The following TMEM156 variants were observed in gnomAD, a reference collection of about 807,000 sequenced individuals.
TMEM156 encodes the protein transmembrane protein 156.
In TMEM156, 28 loss-of-function variants were observed where a neutral mutation model predicts 30.5. The observed-to-expected ratio is 0.92, with a 90% CI of 0.68 to 1.26. The LOEUF (loss-of-function observed/expected upper bound fraction) is 1.26. TMEM156 is among the 50% of genes most tolerant of loss of function. TMEM156 has a pLI of 0.00. For synonymous variants in TMEM156, 137 were observed against 119.9 expected, an observed-to-expected ratio of 1.14 and a Z score of -0.93; for missense variants, 351 against 340.6, an observed-to-expected ratio of 1.03 and a Z score of -0.24.
chr4:39,004,735 G>A (rs961457805), intron 1 of TMEM156, among the ~76,000 whole-genome samples: 4 of 151,598 alleles, frequency 2.6e-5, no homozygotes, highest in East Asian at 3.9e-4. Flanking sequence ...TCCATTTTTT[G>A]CTGTTATGAA....
chr4:39,004,124 A>G (rs750986461), intron 1 of TMEM156, among the ~76,000 whole-genome samples: 3 of 152,186 alleles, frequency 2.0e-5, no homozygotes, highest in African/African-American at 4.8e-5. Flanking sequence ...CTCCATAAGC[A>G]AGGATTTATG....
At chr4:39,002,194 AC>A (rs1354076155) in intron 1 of TMEM156, among the ~76,000 whole-genome samples, 2 of 149,222 alleles carry the variant, frequency 1.3e-5, no homozygotes, top group Admixed American at 1.3e-4. Context: ...CAAGAAAAAA[AC>A]AAACAACCCC....
At chr4:39,006,611 A>G (rs1713754779) in intron 1 of TMEM156, among the ~76,000 whole-genome samples, 1 of 151,952 alleles carries the variant, frequency 6.6e-6, no homozygotes, top group African/African-American at 2.4e-5. Flanking sequence ...CGCCTTTCAC[A>G]TTTCATTTCT....
At chr4:38,996,330 G>A (rs1241951782) in intron 2 of TMEM156, among the ~76,000 whole-genome samples, 2 of 151,180 alleles carry the variant, frequency 1.3e-5, no homozygotes, top group Non-Finnish European at 2.9e-5. Context: ...AGGCCGAGGC[G>A]GGTGGATCAC....
chr4:38,986,204 C>T (rs970856512), intron 5 of TMEM156, 132 bp downstream of exon 5: 7 of 650,194 alleles, frequency 1.1e-5, no homozygotes, highest in African/African-American at 1.8e-5. Context: ...CATTTGCCCA[C>T]AGCTCTGTTA....
At chr4:38,969,490 G>A (rs1005664163) in intron 6 of TMEM156, among the ~76,000 whole-genome samples, 6 of 152,174 alleles carry the variant, frequency 3.9e-5, no homozygotes, top group African/African-American at 1.4e-4. Context: ...TGGGCACTTA[G>A]GTCCATTCCA....
chr4:38,968,372 C>T (rs1243909995), intron 6 of TMEM156, among the ~76,000 whole-genome samples: 2 of 152,198 alleles, frequency 1.3e-5, no homozygotes, highest in African/African-American at 4.8e-5. Context: ...GGAGGAGTCT[C>T]TCTATCGTGC....
At chr4:38,974,577 G>T (rs1052260068) in intron 5 of TMEM156, among the ~76,000 whole-genome samples, 1 of 151,894 alleles carries the variant, frequency 6.6e-6, no homozygotes, top group Non-Finnish European at 1.5e-5. Flanking sequence ...TTTCTTCCAT[G>T]ACAATTTAGA....
Position 38,972,242 on chromosome 4 carries a change from ATTTTTTTTTT to A in TMEM156, c.824-1115_824-1106del, listed in dbSNP as rs144479056. On this transcript the variant is annotated intron_variant, in intron 5 of 6. Coordinates refer to ENST00000381938, the MANE Select transcript of TMEM156 (RefSeq NM_024943.3). ...AAATACTGTAGAACCTTCTCTGGGA[ATTTTTTTTTT>A]TTTTTTTTTTTTTTTTTTTGAGACA... Among the ~76,000 whole-genome samples the A allele has an allele frequency of 7.6e-3, 577 of 75,878 alleles. 5 individuals carry two copies. The highest frequency in any genetic ancestry group is 0.033 in the African/African-American group (548 of 16,504). The allele number at this position is 75,878 out of a possible 152,430, so 49.8% of individuals were successfully genotyped here.
intron 3 of TMEM156, among the ~76,000 whole-genome samples, chr4:38,991,682 C>A (rs1463318970): frequency 2.0e-5 from 3 of 152,028 alleles, no homozygotes; most frequent in African/African-American, 7.2e-5. Flanking sequence ...TGAACACACA[C>A]ACAAAAATCT....
intron 5 of TMEM156, among the ~76,000 whole-genome samples, chr4:38,985,743 TTCTC>T (rs999028811): frequency 6.6e-6 from 1 of 152,212 alleles, no homozygotes; most frequent in Admixed American, 6.5e-5. Context: ...CCATGTCACA[TTCTC>T]TCTCTTTCTC....
chr4:38,998,270 C>G (rs556039890), intron 2 of TMEM156, among the ~76,000 whole-genome samples: 1 of 152,064 alleles, frequency 6.6e-6, no homozygotes, highest in Non-Finnish European at 1.5e-5. Flanking sequence ...ATTGGCCAGG[C>G]GCTGTGGCTA....
intron 1 of TMEM156, among the ~76,000 whole-genome samples, chr4:39,011,724 C>T (rs1280386671): frequency 6.6e-6 from 1 of 151,940 alleles, no homozygotes; most frequent in Non-Finnish European, 1.5e-5. Context: ...AGTGAGCCGA[C>T]ATCACATAAT....
At chr4:39,010,178 T>G (rs1714013171) in intron 1 of TMEM156, among the ~76,000 whole-genome samples, 1 of 152,072 alleles carries the variant, frequency 6.6e-6, no homozygotes, top group Non-Finnish European at 1.5e-5. Flanking sequence ...CACCTAGGAA[T>G]ACATCTAACC....
intron 6 of TMEM156, among the ~76,000 whole-genome samples, chr4:38,969,186 C>A (rs1436246123): frequency 6.6e-6 from 1 of 152,060 alleles, no homozygotes; most frequent in Non-Finnish European, 1.5e-5. Context: ...ACATTTGTAC[C>A]CTTTAACCCA....
intron 3 of TMEM156, among the ~76,000 whole-genome samples, chr4:38,991,756 AGGTG>A (rs1712482115): frequency 6.6e-6 from 1 of 152,202 alleles, no homozygotes; most frequent in South Asian, 2.1e-4. Flanking sequence ...AAATACAGTT[AGGTG>A]GATATACAAA....
intron 3 of TMEM156, among the ~76,000 whole-genome samples, chr4:38,989,760 T>C (rs1359608774): frequency 1.3e-5 from 2 of 151,938 alleles, no homozygotes; most frequent in African/African-American, 4.8e-5. Context: ...AACTGTCTAC[T>C]GACTCATTTT....
chr4:39,006,715 G>A (rs1331417513), intron 1 of TMEM156, among the ~76,000 whole-genome samples: 1 of 152,030 alleles, frequency 6.6e-6, no homozygotes. Flanking sequence ...CCAGGAGCTT[G>A]AAACCAGCCT....
At chr4:39,015,839 T>C (rs2110036275) in intron 1 of TMEM156, among the ~76,000 whole-genome samples, 1 of 152,252 alleles carries the variant, frequency 6.6e-6, no homozygotes. Context: ...TGAGATCTGA[T>C]GGTTTTATAA....
Sources: allele counts gnomAD v4.1 joint callset (sites outside exome capture counted in the v4.1 genomes callset), GRCh38; gene constraint gnomAD v4.1.1; transcripts MANE v1.5; gene names NCBI Gene and HGNC (gene_info 2026-07-23, HGNC 2026-07-21).